Variants in IL23R observed in about 807,000 individuals in gnomAD.
The protein encoded by IL23R is interleukin 23 receptor.
In IL23R, 34 loss-of-function variants were observed where a neutral mutation model predicts 56.9. The ratio of observed to expected loss-of-function variants is 0.60; its 90% CI spans 0.45 to 0.80. The LOEUF (loss-of-function observed/expected upper bound fraction) is 0.80, where lower values mean the gene tolerates loss of function less well. Ranked by LOEUF, IL23R falls within the 30% of genes least tolerant of loss-of-function variation. IL23R has a pLI of 0.00. For missense variants in IL23R, 635 were observed against 730.0 expected (o/e 0.87, Z 1.50); for synonymous variants, 230 against 249.2 (o/e 0.92, Z 0.73).
upstream of IL23R, chr1:67,166,274 A>T (rs1000660012): frequency 6.6e-6 from 1 of 152,386 alleles, no homozygotes; most frequent in African/African-American, 2.4e-5. Context: ...TGTAAAAAAA[A>T]AGTACCGACA....
Position 67,255,856 on chromosome 1 carries a change from T to C in IL23R, c.1168T>C (p.Leu390=). Reference sequence around the variant, plus strand: ...TTTTAGGATTAAAAGAAGGATCTTATTGTTAATACCAAAGTGGCTTTATGA... The same window carrying C: ...TTTTAGGATTAAAAGAAGGATCTTACTGTTAATACCAAAGTGGCTTTATGA... ...FRTGIKRRIL[L]LIPKWLYEDI... Residue 390 remains leucine, a synonymous_variant, in exon 10 of 11, where the codon TTG becomes CTG. Transcript: ENST00000347310. 1.3e-6 allele frequency: 2 copies of C among 1,567,992 alleles called. No individual in the cohort carries two copies. Among genetic ancestry groups the C allele is most frequent in the Non-Finnish European group, 1.8e-6 (2 of 1,138,186 alleles).
intron 10 of IL23R, among the ~76,000 whole-genome samples, chr1:67,257,351 C>A (rs1653005476): frequency 6.6e-6 from 1 of 152,146 alleles, no homozygotes; most frequent in Non-Finnish European, 1.5e-5. Context: ...GGACAGCTGC[C>A]TTCTCACATG....
intron 1 of IL23R, among the ~76,000 whole-genome samples, chr1:67,144,710 T>C (rs1445639784): frequency 2.0e-5 from 3 of 152,212 alleles, no homozygotes; most frequent in Non-Finnish European, 4.4e-5. Context: ...GGCTCTTTTT[T>C]TCTTCTAGCT....
At chr1:67,186,915 C>T (rs538381919) in intron 4 of IL23R, among the ~76,000 whole-genome samples, 4 of 152,314 alleles carry the variant, frequency 2.6e-5, no homozygotes, top group South Asian at 4.1e-4. Context: ...GCCAACGCGC[C>T]TGGCCCTTTA....
chr1:67,151,662 T>C (rs1015156246), intron 1 of IL23R, among the ~76,000 whole-genome samples: 28 of 152,202 alleles, frequency 1.8e-4, no homozygotes, highest in African/African-American at 5.1e-4. Context: ...TTCAATTTTC[T>C]GTATATGGCT....
intron 8 of IL23R, 63 bp from the exon 9 acceptor site, chr1:67,240,116 G>C: frequency 8.8e-7 from 1 of 1,141,218 alleles, no homozygotes. Context: ...AAAGAGAATA[G>C]TAATTCTGGT....
At chr1:67,249,884 C>T (rs1250493898) in intron 9 of IL23R, among the ~76,000 whole-genome samples, 1 of 152,102 alleles carries the variant, frequency 6.6e-6, no homozygotes, top group African/African-American at 2.4e-5. Flanking sequence ...TGTTAAAAAG[C>T]AGATCAGTGC....
At chr1:67,244,958 T>C (rs181292420) in intron 9 of IL23R, among the ~76,000 whole-genome samples, 1 of 152,336 alleles carries the variant, frequency 6.6e-6, no homozygotes, top group East Asian at 1.9e-4. Flanking sequence ...GGAATGTTTT[T>C]CCATTTGTTT....
At chr1:67,147,059 T>A (rs984456853) in intron 1 of IL23R, among the ~76,000 whole-genome samples, 22 of 150,778 alleles carry the variant, frequency 1.5e-4, no homozygotes, top group Non-Finnish European at 3.3e-4. Flanking sequence ...TTCTCTGAGA[T>A]TTTTTTTTTC....
At chr1:67,185,996 G>A (rs1647301423) in intron 4 of IL23R, among the ~76,000 whole-genome samples, 1 of 152,190 alleles carries the variant, frequency 6.6e-6, no homozygotes, top group Non-Finnish European at 1.5e-5. Flanking sequence ...CCTCTCCAAA[G>A]TCACTTGACT....
chr1:67,207,315 G>A (rs924241246), intron 6 of IL23R: 7 of 528,984 alleles, frequency 1.3e-5, no homozygotes, highest in African/African-American at 9.5e-5. Context: ...CAGGTGCTAA[G>A]CATAGTTACC....
At chr1:67,214,172 C>T (rs866293709) in intron 6 of IL23R, among the ~76,000 whole-genome samples, 6 of 152,254 alleles carry the variant, frequency 3.9e-5, no homozygotes, top group Middle Eastern at 3.4e-3. Context: ...TACAGTGAGA[C>T]CCCCATCTCT....
chr1:67,165,765 A>G (rs1191401173), upstream of IL23R, among the ~76,000 whole-genome samples: 1 of 152,230 alleles, frequency 6.6e-6, no homozygotes, highest in Admixed American at 6.5e-5. Context: ...GAAATAGTTG[A>G]ACCCATAAAA....
At chr1:67,165,942 T>C (rs1646869467), upstream of IL23R, among the ~76,000 whole-genome samples, 1 of 152,190 alleles carries the variant, frequency 6.6e-6, no homozygotes, top group South Asian at 2.1e-4. Context: ...ATACTTGAAA[T>C]TTGCTTGAAT....
chr1:67,218,814 G>A (rs1650043189), intron 6 of IL23R, among the ~76,000 whole-genome samples: 1 of 151,950 alleles, frequency 6.6e-6, no homozygotes, highest in African/African-American at 2.4e-5. Flanking sequence ...AGCTACTTGG[G>A]AGGCTGAGGC....
intron 3 of IL23R, among the ~76,000 whole-genome samples, chr1:67,182,225 C>T (rs184467959): frequency 3.3e-5 from 5 of 152,340 alleles, no homozygotes; most frequent in Non-Finnish European, 7.3e-5. Context: ...GCCCTGCCCC[C>T]GGAGGTGGAG....
At chr1:67,150,915 T>C (rs1051875910) in intron 1 of IL23R, among the ~76,000 whole-genome samples, 1 of 152,210 alleles carries the variant, frequency 6.6e-6, no homozygotes, top group Non-Finnish European at 1.5e-5. Context: ...AATAAACATA[T>C]GTATGTGCAC....
chr1:67,185,331 C>T (rs890184755), intron 4 of IL23R, among the ~76,000 whole-genome samples: 4 of 152,080 alleles, frequency 2.6e-5, no homozygotes, highest in South Asian at 2.1e-4. Flanking sequence ...AGGACCAGAT[C>T]GCAGGGCATA....
intron 5 of IL23R, among the ~76,000 whole-genome samples, chr1:67,204,285 G>A (rs974802422): frequency 2.3e-4 from 35 of 152,182 alleles, no homozygotes; most frequent in Admixed American, 9.2e-4. Flanking sequence ...GGATGGTCTC[G>A]ATCTCCTGAC....
Sources: allele counts gnomAD v4.1 joint callset (sites outside exome capture counted in the v4.1 genomes callset), GRCh38; gene constraint gnomAD v4.1.1; transcripts MANE v1.5; gene names NCBI Gene and HGNC (gene_info 2026-07-23, HGNC 2026-07-21).